The following OXT variants were observed in gnomAD, a reference collection of about 807,000 sequenced individuals.
The protein encoded by OXT is oxytocin-neurophysin 1 proprotein.
Under a neutral mutation model 11.2 loss-of-function variants are expected in OXT, and 9 were observed. The observed-to-expected ratio is 0.80, with a 90% confidence interval of 0.49 to 1.40. OXT has a LOEUF of 1.40. OXT is among the 40% of genes most tolerant of loss of function. OXT has a pLI of 0.00. For synonymous variants in OXT, 76 were observed against 80.9 expected, an observed-to-expected ratio of 0.94 and a Z score of 0.33; for missense variants, 175 against 178.7, an observed-to-expected ratio of 0.98 and a Z score of 0.12.
At chr20:3,072,301 G>A in intron 2 of OXT, 23 bp downstream of exon 2, 1 of 1,594,608 alleles carries the variant, frequency 6.3e-7, no homozygotes, top group South Asian at 1.1e-5. Context: ...AGGCGCTCCG[G>A]GGCCAGGGGG....
At position 3,072,232 on chromosome 20, in the gene OXT, C is replaced by T; in HGVS notation, c.276C>T (p.Cys92=). 6.3e-7 allele frequency: 1 copy of T among 1,594,970 alleles called. No homozygotes were observed. Among genetic ancestry groups the T allele is most frequent in the Non-Finnish European group, 8.5e-7 (1 of 1,177,132 alleles). ...PSPCQSGQKA[C]GSGGRCAVLG... is the part of the protein sequence containing the mutation. ...CCTGCCAGTCCGGCCAGAAGGCGTG[C>T]GGGAGCGGGGGCCGCTGCGCGGTCT... Residue 92 remains cysteine (C), a synonymous_variant, in exon 2 of 3, where the codon TGC becomes TGT. Transcript: ENST00000217386.
rs1157709802 is a variant in OXT, at chr20:3,072,280, T to C, written c.322+2T>C. The C allele has an allele frequency of 1.9e-6, 3 of 1,595,082 alleles. No homozygotes were observed. Among genetic ancestry groups the C allele is most frequent in the African/African-American group, 1.3e-5 (1 of 74,502 alleles). On this transcript the variant is annotated splice_donor_variant, in intron 2 of 2. Transcript: ENST00000217386. LOFTEE classifies it high-confidence loss of function. ...TCTTGGGCCTCTGCTGCAGCCCGGGTGAGCGGGGCAAGGCGCTCCGGGGCC... is the reference window on the plus strand; with the variant it reads ...TCTTGGGCCTCTGCTGCAGCCCGGGCGAGCGGGGCAAGGCGCTCCGGGGCC...
In OXT at chr20:3,071,763, C is replaced by T. The variant is rs778480856; in HGVS notation, c.108C>T (p.Leu36=). Residue 36 remains leucine, a synonymous_variant, in exon 1 of 3, where the codon CTC becomes CTT. Coordinates refer to ENST00000217386, the MANE Select transcript of OXT (RefSeq NM_000915.4). The surrounding 1 kb of genome is among the most constrained non-coding windows in gnomAD (Gnocchi z 4.8). ...GAGGCAAGAGGGCCGCGCCGGACCT[C>T]GACGTGCGCAAGGTGAGTCCCCAGC... The part of the protein sequence containing the change: ...PLGGKRAAPD[L]DVRKCLPCGP... 3.8e-6 allele frequency: 6 copies of T among 1,575,736 alleles called. No homozygotes were observed. In the African/African-American group the frequency reaches 8.1e-5, roughly 21 times the overall value.
At position 3,072,289 on chromosome 20, in the gene OXT, C is replaced by T; in HGVS notation, c.322+11C>T. ...TCTGCTGCAGCCCGGGTGAGCGGGG[C>T]AAGGCGCTCCGGGGCCAGGGGGAGG... On this transcript the variant is annotated intron_variant, in intron 2 of 2. Coordinates refer to ENST00000217386, the MANE Select transcript of OXT (RefSeq NM_000915.4). The T allele has an allele frequency of 1.9e-6, 3 of 1,592,504 alleles. No homozygotes were observed. Among genetic ancestry groups the T allele is most frequent in the South Asian group, 2.2e-5 (2 of 90,552 alleles).
rs980803791 is a variant in OXT, at chr20:3,071,968, C to T, written c.121-109C>T. 3 of 1,359,508 alleles carry T rather than the reference C, an allele frequency of 2.2e-6. No individual in the cohort carries two copies. Among genetic ancestry groups the T allele is most frequent in the South Asian group, 1.6e-5 (1 of 62,176 alleles). The allele number at this position is 1,359,508 out of a possible 1,614,324, so 84.2% of individuals were successfully genotyped here. ...CCCGCTGTCCCGCCCGAACTCCGAA[C>T]CCCGGACCCCAGCATCCTTGCCCGG... is the stretch of plus-strand genomic sequence containing the variant. On this transcript the variant is annotated intron_variant, in intron 1 of 2. Transcript: ENST00000217386. The surrounding 1 kb of genome is among the most constrained non-coding windows in gnomAD (Gnocchi z 4.8).
chr20:3,072,450 G>A lies in OXT; in HGVS notation c.*32G>A, dbSNP rs200007313. ...ATGGCTCCGAACACCCTCGAAGCGC[G>A]CCACTCGCTTCCCCCATAGCCACCC... On this transcript the variant is annotated 3_prime_UTR_variant, in exon 3 of 3. Transcript: ENST00000217386. 6.2e-7 allele frequency: 1 copy of A among 1,608,814 alleles called. No homozygotes were observed. Among genetic ancestry groups the A allele is most frequent in the South Asian group, 1.1e-5 (1 of 90,936 alleles).
Position 3,071,849 on chromosome 20 carries a change from C to T in OXT, c.120+74C>T. 1.3e-6 allele frequency: 2 copies of T among 1,493,760 alleles called. No homozygotes were observed. Among genetic ancestry groups the T allele is most frequent in the Non-Finnish European group, 1.8e-6 (2 of 1,127,364 alleles). 92.5% of individuals were successfully genotyped at this position (1,493,760 alleles called of 1,614,324 possible). ...GCAGCCACAGGGGCGCGCCCCGCTC[C>T]GGCCTCGCCTGAGAACTCCAGGAGC... On this transcript the variant is annotated intron_variant, in intron 1 of 2. Transcript: ENST00000217386. The surrounding 1 kb of genome is among the most constrained non-coding windows in gnomAD (Gnocchi z 4.8).
rs758663169 is a variant in OXT at position 3,071,698 on chromosome 20, G to A, written c.43G>A (p.Ala15Thr). The A allele has an allele frequency of 6.3e-7, 1 of 1,594,230 alleles. No individual in the cohort carries two copies. The highest frequency in any genetic ancestry group is 2.3e-5 in the East Asian group (1 of 44,034). The change falls in exon 1 of 3, where the codon GCG (alanine) becomes ACG (threonine). Residue 15 changes from alanine to threonine, a missense_variant. Coordinates refer to ENST00000217386, the MANE Select transcript of OXT (RefSeq NM_000915.4). This position sits in a 1 kb window ranked among gnomAD's most constrained non-coding sequence, Gnocchi z 4.8. ...CGCTTGCTGTCTGCTCGGCCTCCTG[G>A]CGCTGACCTCCGCCTGCTACATCCA... Reference protein sequence around the residue: ...SLACCLLGLLALTSACYIQNC... With the variant: ...SLACCLLGLLTLTSACYIQNC...
chr20:3,072,063 G>A lies in OXT; in HGVS notation c.121-14G>A. 1 of 1,507,908 alleles carries A rather than the reference G, an allele frequency of 6.6e-7. No homozygotes were observed. Among genetic ancestry groups the A allele is most frequent in the Non-Finnish European group, 8.8e-7 (1 of 1,136,416 alleles). 93.4% of individuals were successfully genotyped at this position (1,507,908 alleles called of 1,614,324 possible). On this transcript the variant is annotated splice_polypyrimidine_tract_variant and intron_variant, in intron 1 of 2. Transcript: ENST00000217386. ...CGCCGCCCCGGCTCCCGCTCACCCC[G>A]CCCGTCCCCGCAGTGCCTCCCCTGC...
Position 3,071,968 on chromosome 20 carries a change from C to G in OXT, c.121-109C>G. On this transcript the variant is annotated intron_variant, in intron 1 of 2. Transcript: ENST00000217386. This position sits in a 1 kb window ranked among gnomAD's most constrained non-coding sequence, Gnocchi z 4.8. ...CCCGCTGTCCCGCCCGAACTCCGAA[C>G]CCCGGACCCCAGCATCCTTGCCCGG... 7.4e-7 allele frequency: 1 copy of G among 1,359,618 alleles called. No homozygotes were observed. The highest frequency in any genetic ancestry group is 9.5e-7 in the Non-Finnish European group (1 of 1,049,530). 84.2% of individuals were successfully genotyped at this position (1,359,618 alleles called of 1,614,324 possible).
At position 3,072,403 on chromosome 20, in the gene OXT, C is replaced by T. The variant is rs368458476; in HGVS notation, c.363C>T (p.Thr121=). The part of the protein sequence containing the change: ...HADPACDAEA[T]FSQR Reference sequence around the variant, plus strand: ...ACCCTGCCTGCGACGCGGAAGCCACCTTCTCCCAGCGCTGAAACTTGATGG... The same window carrying T: ...ACCCTGCCTGCGACGCGGAAGCCACTTTCTCCCAGCGCTGAAACTTGATGG... Residue 121 remains threonine (T), a synonymous_variant, in exon 3 of 3, where the codon ACC becomes ACT. Coordinates refer to ENST00000217386, the MANE Select transcript of OXT (RefSeq NM_000915.4). 2.5e-6 allele frequency: 4 copies of T among 1,612,782 alleles called. No individual in the cohort carries two copies. In the East Asian group the frequency reaches 8.9e-5, roughly 36 times the overall value.
rs1254112862 is a variant in OXT at position 3,072,435 on chromosome 20, A to C, written c.*17A>C. Reference sequence around the variant, plus strand: ...CAGCGCTGAAACTTGATGGCTCCGAACACCCTCGAAGCGCGCCACTCGCTT... The same window carrying C: ...CAGCGCTGAAACTTGATGGCTCCGACCACCCTCGAAGCGCGCCACTCGCTT... On this transcript the variant is annotated 3_prime_UTR_variant, in exon 3 of 3. Coordinates refer to ENST00000217386, the MANE Select transcript of OXT (RefSeq NM_000915.4). The C allele has an allele frequency of 6.2e-7, 1 of 1,612,300 alleles. No homozygotes were observed. The highest frequency in any genetic ancestry group is 8.5e-7 in the Non-Finnish European group (1 of 1,179,606).
chr20:3,071,966 A>AACCCCGG lies in OXT; in HGVS notation c.121-105_121-99dup, dbSNP rs1271237763. 4 of 1,356,804 alleles carry AACCCCGG rather than the reference A, an allele frequency of 2.9e-6. No homozygotes were observed. Among genetic ancestry groups the AACCCCGG allele is most frequent in the Non-Finnish European group, 3.8e-6 (4 of 1,047,750 alleles). 84.0% of individuals were successfully genotyped at this position (1,356,804 alleles called of 1,614,324 possible). ...GCCCCGCTGTCCCGCCCGAACTCCG[A>AACCCCGG]ACCCCGGACCCCAGCATCCTTGCCC... On this transcript the variant is annotated intron_variant, in intron 1 of 2. Coordinates refer to ENST00000217386, the MANE Select transcript of OXT (RefSeq NM_000915.4). This position sits in a 1 kb window ranked among gnomAD's most constrained non-coding sequence, Gnocchi z 4.8.
In OXT at chr20:3,072,158, G is replaced by A; in HGVS notation, c.202G>A (p.Gly68Ser). ...CCAEELGCFV[G>S]TAEALRCQEE... The stretch of plus-strand genomic sequence containing the variant: ...CGCGGAAGAGCTGGGCTGCTTCGTG[G>A]GCACCGCCGAAGCGCTGCGCTGCCA... Residue 68 changes from glycine to serine, a missense_variant, in exon 2 of 3, where the codon GGC (glycine) becomes AGC (serine). Transcript: ENST00000217386. 1 of 1,592,966 alleles carries A rather than the reference G, an allele frequency of 6.3e-7. No individual in the cohort carries two copies. Among genetic ancestry groups the A allele is most frequent in the South Asian group, 1.1e-5 (1 of 89,622 alleles).
Position 3,071,632 on chromosome 20 carries a change from C to T in OXT, c.-24C>T, listed in dbSNP as rs752965107. On this transcript the variant is annotated 5_prime_UTR_variant, in exon 1 of 3. Transcript: ENST00000217386. This position sits in a 1 kb window ranked among gnomAD's most constrained non-coding sequence, Gnocchi z 4.8. ...CGGAGAGACCGCCACCAGTCACGGA[C>T]CCTGGACCCAGCGCACCCGCACCAT... 34 of 1,601,526 alleles carry T rather than the reference C, an allele frequency of 2.1e-5. No individual in the cohort carries two copies. In the East Asian group the frequency reaches 7.4e-4, roughly 35 times the overall value.
At position 3,071,631 on chromosome 20, in the gene OXT, A is replaced by T; in HGVS notation, c.-25A>T. ...CCGGAGAGACCGCCACCAGTCACGG[A>T]CCCTGGACCCAGCGCACCCGCACCA... On this transcript the variant is annotated 5_prime_UTR_variant, in exon 1 of 3. Coordinates refer to ENST00000217386, the MANE Select transcript of OXT (RefSeq NM_000915.4). The surrounding 1 kb of genome is among the most constrained non-coding windows in gnomAD (Gnocchi z 4.8). 1 of 1,601,280 alleles carries T rather than the reference A, an allele frequency of 6.2e-7. No homozygotes were observed. Among genetic ancestry groups the T allele is most frequent in the South Asian group, 1.1e-5 (1 of 90,204 alleles).
In OXT at chr20:3,072,135, C is replaced by T. The variant is rs2066078666; in HGVS notation, c.179C>T (p.Ala60Val). The T allele has an allele frequency of 6.3e-7, 1 of 1,584,538 alleles. No individual in the cohort carries two copies. Residue 60 changes from alanine (A) to valine (V), a missense_variant, in exon 2 of 3, where the codon GCG becomes GTG. Physicochemically the swap from Ala to Val is moderately conservative, Grantham distance 64 (BLOSUM62 0). Coordinates refer to ENST00000217386, the MANE Select transcript of OXT (RefSeq NM_000915.4). ...GRCFGPNICCAEELGCFVGTA... is the reference protein window; with the variant it reads ...GRCFGPNICCVEELGCFVGTA... ...TGCTTCGGGCCCAATATCTGCTGCG[C>T]GGAAGAGCTGGGCTGCTTCGTGGGC...
Position 3,071,653 on chromosome 20 carries a change from A to T in OXT, c.-3A>T, listed in dbSNP as rs769117175. 2 of 1,602,414 alleles carry T rather than the reference A, an allele frequency of 1.2e-6. No homozygotes were observed. Among genetic ancestry groups the T allele is most frequent in the South Asian group, 2.2e-5 (2 of 90,118 alleles). On this transcript the variant is annotated 5_prime_UTR_variant, in exon 1 of 3. Transcript: ENST00000217386. The surrounding 1 kb of genome is among the most constrained non-coding windows in gnomAD (Gnocchi z 4.8). The stretch of plus-strand genomic sequence containing the variant: ...CGGACCCTGGACCCAGCGCACCCGC[A>T]CCATGGCCGGCCCCAGCCTCGCTTG...
chr20:3,072,309 G>C (rs910651144), intron 2 of OXT, 31 bp downstream of exon 2: 2 of 1,600,776 alleles, frequency 1.2e-6, no homozygotes, highest in Non-Finnish European at 1.7e-6. Flanking sequence ...CGGGGCCAGG[G>C]GGAGGCGGGC....
Sources: allele counts gnomAD v4.1 joint callset, GRCh38; gene constraint gnomAD v4.1.1; non-coding constraint Gnocchi (gnomAD v3.1); transcripts MANE v1.5; gene names NCBI Gene and HGNC (gene_info 2026-07-23, HGNC 2026-07-21).